Variants in SAV1 observed in about 807,000 individuals in gnomAD.
SAV1 encodes protein salvador homolog 1.
In SAV1, 23 loss-of-function variants were observed where a neutral mutation model predicts 47.3. That is an observed-to-expected ratio of 0.49 (90% CI 0.35 to 0.69). The LOEUF is 0.69. Among genes scored for constraint, SAV1 ranks in the 30% least tolerant of loss-of-function variants. The probability of loss-of-function intolerance (pLI) is 0.01; values close to 1 mark genes in which losing one functional copy is unlikely to be tolerated. For missense variants in SAV1, 448 were observed against 457.4 expected (o/e 0.98, Z 0.19); for synonymous variants, 155 against 159.2 (o/e 0.97, Z 0.20).
At chr14:50,666,980 G>A (rs2039906868) in intron 1 of SAV1, among the ~76,000 whole-genome samples, 1 of 151,926 alleles carries the variant, frequency 6.6e-6, no homozygotes, top group South Asian at 2.1e-4. Context: ...TACAATATGA[G>A]GTAATACTTA....
At chr14:50,653,916 G>A (rs1350442892) in intron 2 of SAV1, among the ~76,000 whole-genome samples, 1 of 151,850 alleles carries the variant, frequency 6.6e-6, no homozygotes, top group Non-Finnish European at 1.5e-5. Context: ...TCTATTAAGT[G>A]TGCAATAGCA....
chr14:50,644,148 C>T (rs1473823459), intron 3 of SAV1, among the ~76,000 whole-genome samples: 2 of 152,232 alleles, frequency 1.3e-5, no homozygotes, highest in African/African-American at 4.8e-5. Flanking sequence ...AACAGCCACA[C>T]GTGACAACTG....
At chr14:50,656,022 G>A (rs1023595931) in intron 2 of SAV1, among the ~76,000 whole-genome samples, 16 of 152,182 alleles carry the variant, frequency 1.1e-4, no homozygotes, top group African/African-American at 3.9e-4. Flanking sequence ...TCCAGCCTGG[G>A]CAACAAAAGT....
At position 50,644,858 on chromosome 14, in the gene SAV1, A is replaced by T. The variant is rs1170091703; in HGVS notation, c.692T>A (p.Leu231His). ...NTNTTHWSHPLEREGLPPGWE... is the reference protein window; with the variant it reads ...NTNTTHWSHPHEREGLPPGWE... ...TCCAGGAGGAAGTCCTTCTCGCTCA[A>T]GAGGATGGCTCCAGTGAGTTGTATT... Residue 231 changes from leucine (L) to histidine (H), a missense_variant, in exon 3 of 5, where the codon CTT becomes CAT. Coordinates refer to ENST00000324679, the MANE Select transcript of SAV1 (RefSeq NM_021818.4). 1.2e-6 allele frequency: 2 copies of T among 1,614,188 alleles called. No individual in the cohort carries two copies. The highest frequency in any genetic ancestry group is 1.7e-6 in the Non-Finnish European group (2 of 1,180,032).
At chr14:50,656,686 C>G (rs978532798) in intron 2 of SAV1, among the ~76,000 whole-genome samples, 3 of 152,146 alleles carry the variant, frequency 2.0e-5, no homozygotes, top group Non-Finnish European at 4.4e-5. Context: ...TCATGATCCG[C>G]CCGTCTCAGC....
intron 2 of SAV1, among the ~76,000 whole-genome samples, chr14:50,655,474 TAA>T (rs1354002324): frequency 6.7e-6 from 1 of 150,278 alleles, no homozygotes; most frequent in East Asian, 2.0e-4. Context: ...TCCCCCAGGC[TAA>T]AGTCAGTGAT....
At chr14:50,651,024 A>G (rs2039764155) in intron 2 of SAV1, among the ~76,000 whole-genome samples, 1 of 141,926 alleles carries the variant, frequency 7.0e-6, no homozygotes, top group African/African-American at 2.6e-5. Context: ...TCTGTCTCCA[A>G]AAAAAAAAAA....
chr14:50,648,408 G>C (rs748224439), intron 2 of SAV1, among the ~76,000 whole-genome samples: 1 of 152,158 alleles, frequency 6.6e-6, no homozygotes, highest in Non-Finnish European at 1.5e-5. Context: ...ACTCAGAACT[G>C]TGTAACTTGA....
In SAV1 at chr14:50,668,201, G is replaced by A; in HGVS notation, c.-234C>T. 1 of 255,306 alleles carries A rather than the reference G, an allele frequency of 3.9e-6. No homozygotes were observed. The highest frequency in any genetic ancestry group is 7.5e-5 in the East Asian group (1 of 13,304). 15.8% of individuals were successfully genotyped at this position (255,306 alleles called of 1,614,324 possible). On this transcript the variant is annotated 5_prime_UTR_variant, in exon 1 of 5. Transcript: ENST00000324679. ...CTGGTCAGTTCCTTCCCGGAAGTCG[G>A]CCCGCTCTGCGACGCTGCTCGGGGA...
At chr14:50,636,404 G>A (rs1684239439) in intron 4 of SAV1, among the ~76,000 whole-genome samples, 1 of 152,038 alleles carries the variant, frequency 6.6e-6, no homozygotes, top group Non-Finnish European at 1.5e-5. Flanking sequence ...TTGAGGCTGA[G>A]TACACAGCAT....
At chr14:50,667,440 C>T (rs1313770056) in intron 1 of SAV1, 4 of 456,600 alleles carry the variant, frequency 8.8e-6, no homozygotes, top group South Asian at 6.2e-5. Flanking sequence ...GTTCGCACAA[C>T]TTGCAGCACA....
rs2039613522 is a variant in SAV1, at chr14:50,634,293, C to T, written c.*890G>A. 3 of 314,828 alleles carry T rather than the reference C, an allele frequency of 9.5e-6. No individual in the cohort carries two copies. The highest frequency in any genetic ancestry group is 2.6e-5 in the South Asian group (1 of 39,182). The allele number at this position is 314,828 out of a possible 1,614,324, so 19.5% of individuals were successfully genotyped here. A position where few individuals can be genotyped will look rare whatever the true frequency, so the allele number is the denominator to read the frequency against. ...TTAAAAGGCCCGTCACCCATTCATA[C>T]CAAAAAATACTTTCTCAACATGCTT... On this transcript the variant is annotated 3_prime_UTR_variant, in exon 5 of 5. Transcript: ENST00000324679.
chr14:50,651,066 C>T lies in SAV1; in HGVS notation c.536-6052G>A, dbSNP rs370222818. Among the ~76,000 whole-genome samples, 5 of 4,264 alleles carry T rather than the reference C, an allele frequency of 1.2e-3. No homozygotes were observed. In the Non-Finnish European group the frequency reaches 0.074, roughly 63 times the overall value. The allele number at this position is 4,264 out of a possible 152,430, so 2.8% of individuals were successfully genotyped here. A position where few individuals can be genotyped will look rare whatever the true frequency, so the allele number is the denominator to read the frequency against. ...AAAGAAATGGATCTTTCAGCCAGAG[C>T]GAAGCTTCGGATAACTGCAGCCCCA... On this transcript the variant is annotated intron_variant, in intron 2 of 4. Coordinates refer to ENST00000324679, the MANE Select transcript of SAV1 (RefSeq NM_021818.4).
At chr14:50,640,664 G>A (rs1595635192) in intron 4 of SAV1, 86 bp downstream of exon 4, 3 of 1,177,592 alleles carry the variant, frequency 2.5e-6, no homozygotes, top group South Asian at 4.0e-5. Context: ...GTAAAATATG[G>A]CACACTACTT....
chr14:50,640,652 G>A (rs999443653), intron 4 of SAV1, 98 bp downstream of exon 4: 4 of 1,022,228 alleles, frequency 3.9e-6, no homozygotes, highest in Non-Finnish European at 5.5e-6. Flanking sequence ...ATATTATTAA[G>A]AGTAAAATAT....
intron 2 of SAV1, among the ~76,000 whole-genome samples, chr14:50,663,884 T>A (rs1263882026): frequency 6.6e-6 from 1 of 152,194 alleles, no homozygotes; most frequent in Non-Finnish European, 1.5e-5. Flanking sequence ...CAACCTTACA[T>A]CTTATTTCTT....
intron 2 of SAV1, among the ~76,000 whole-genome samples, chr14:50,657,210 T>G (rs1467369431): frequency 6.6e-6 from 1 of 152,064 alleles, no homozygotes; most frequent in Non-Finnish European, 1.5e-5. Flanking sequence ...AATTTTTGTA[T>G]TTTTAGTAGA....
rs2039756598 is a variant in SAV1 at position 50,650,282 on chromosome 14, C to G, written c.536-5268G>C. On this transcript the variant is annotated intron_variant, in intron 2 of 4. Transcript: ENST00000324679. ...CAACCAAATGTCCAATAATAGCAAACTGGATGATTACACTATTACACGCAC... is the reference window on the plus strand; with the variant it reads ...CAACCAAATGTCCAATAATAGCAAAGTGGATGATTACACTATTACACGCAC... Among the ~76,000 whole-genome samples, 7 of 152,278 alleles carry G rather than the reference C, an allele frequency of 4.6e-5. 1 individual carries two copies. In the South Asian group the frequency reaches 1.5e-3, roughly 32 times the overall value.
Position 50,638,853 on chromosome 14 carries a change from C to A in SAV1, c.950+1897G>T, listed in dbSNP as rs148643098. Among the ~76,000 whole-genome samples the A allele has an allele frequency of 5.7e-3, 858 of 151,794 alleles. 11 individuals carry two copies. Among genetic ancestry groups the A allele is most frequent in the African/African-American group, 0.019 (804 of 41,368 alleles). On this transcript the variant is annotated intron_variant, in intron 4 of 4. Coordinates refer to ENST00000324679, the MANE Select transcript of SAV1 (RefSeq NM_021818.4). The stretch of plus-strand genomic sequence containing the variant: ...CGCAATCTTGGCTCACTGCAACCTC[C>A]GCCTCCCGGGTTCAAATGATTCTCC...
Sources: gnomAD v4.1 joint callset for allele counts (sites outside exome capture counted in the v4.1 genomes callset) on GRCh38, gnomAD v4.1.1 for gene constraint, MANE v1.5 for transcripts, NCBI Gene and HGNC (gene_info 2026-07-23, HGNC 2026-07-21) for gene names.